EPHA6: variants seen among roughly 807,000 people sequenced by gnomAD.
EPHA6 encodes the protein EPH receptor A6, also known as ephrin type-A receptor 6.
EPHA6 carries 50 observed loss-of-function variants against 112.0 expected under a neutral mutation model. The observed-to-expected ratio is 0.45, with a 90% CI of 0.36 to 0.56. The LOEUF (loss-of-function observed/expected upper bound fraction) is 0.56. Ranked by LOEUF, EPHA6 falls within the 20% of genes least tolerant of loss-of-function variation. The probability of loss-of-function intolerance (pLI) is 0.00; values close to 1 mark genes in which losing one functional copy is unlikely to be tolerated. For missense variants in EPHA6, 1,280 were observed against 1,417.4 expected (o/e 0.90, Z 1.56); for synonymous variants, 529 against 490.7 (o/e 1.08, Z -1.03).
At chr3:96,933,358 C>T (rs1018255902) in intron 2 of EPHA6, among the ~76,000 whole-genome samples, 4 of 152,114 alleles carry the variant, frequency 2.6e-5, no homozygotes, top group Non-Finnish European at 5.9e-5. Context: ...TATTGTATTT[C>T]CAAGTTTCTA....
chr3:97,427,089 G>A (rs940295696), intron 6 of EPHA6, among the ~76,000 whole-genome samples: 3 of 152,202 alleles, frequency 2.0e-5, no homozygotes, highest in Non-Finnish European at 4.4e-5. Context: ...TGCACTGTTG[G>A]TGGGAGTATA....
intron 10 of EPHA6, among the ~76,000 whole-genome samples, chr3:97,487,712 T>G (rs1330023162): frequency 3.3e-5 from 5 of 152,224 alleles, no homozygotes; most frequent in Admixed American, 2.0e-4. Flanking sequence ...TATTTAATAC[T>G]GGCAGCTTAT....
intron 7 of EPHA6, among the ~76,000 whole-genome samples, chr3:97,453,224 C>T (rs182921182): frequency 3.8e-4 from 58 of 151,584 alleles, no homozygotes; most frequent in Admixed American, 7.9e-4. Context: ...AGCTTGTGAG[C>T]TATCAAAAGG....
intron 3 of EPHA6, among the ~76,000 whole-genome samples, chr3:97,163,821 A>G (rs2076474552): frequency 6.6e-6 from 1 of 152,196 alleles, no homozygotes. Flanking sequence ...CATGGCCCCA[A>G]TTTACAGAAT....
intron 11 of EPHA6, among the ~76,000 whole-genome samples, chr3:97,553,597 G>T (rs138153453): frequency 6.6e-6 from 1 of 151,976 alleles, no homozygotes; most frequent in Non-Finnish European, 1.5e-5. Context: ...TCATGAGAAC[G>T]CTTCACTATC....
At chr3:97,159,505 C>T (rs1402877621) in intron 3 of EPHA6, among the ~76,000 whole-genome samples, 1 of 152,134 alleles carries the variant, frequency 6.6e-6, no homozygotes, top group Non-Finnish European at 1.5e-5. Context: ...CTATTTTCAT[C>T]CCTTTATTCC....
chr3:96,828,209 A>AG (rs2033792035), intron 1 of EPHA6, among the ~76,000 whole-genome samples: 3 of 152,114 alleles, frequency 2.0e-5, no homozygotes, highest in African/African-American at 7.2e-5. Flanking sequence ...GGGTTCTACT[A>AG]AACTTTTGCC....
In EPHA6 at chr3:97,276,822, T is replaced by A. The variant is rs189070867; in HGVS notation, c.1606+32535T>A. Among the ~76,000 whole-genome samples the A allele has an allele frequency of 3.8e-3, 581 of 152,150 alleles. 2 individuals are homozygous for A. Among genetic ancestry groups the A allele is most frequent in the African/African-American group, 0.011 (474 of 41,508 alleles). On this transcript the variant is annotated intron_variant, in intron 5 of 17. Transcript: ENST00000389672. ...AAAAGAGCCTAAACACTAACTGATT[T>A]GGGAGAGGTGGGATAAGGAAAAAGG...
At chr3:97,206,886 C>A (rs1169995213) in intron 3 of EPHA6, among the ~76,000 whole-genome samples, 1 of 151,978 alleles carries the variant, frequency 6.6e-6, no homozygotes, top group Non-Finnish European at 1.5e-5. Flanking sequence ...CCAAACAGTT[C>A]TTGCAATAAC....
chr3:97,051,424 T>G (rs2108086423), intron 3 of EPHA6, among the ~76,000 whole-genome samples: 1 of 152,238 alleles, frequency 6.6e-6, no homozygotes, highest in South Asian at 2.1e-4. Context: ...GTAGAGAAGG[T>G]AAAAATATAA....
chr3:97,290,120 T>G (rs1480721750), intron 5 of EPHA6, among the ~76,000 whole-genome samples: 1 of 152,146 alleles, frequency 6.6e-6, no homozygotes, highest in Non-Finnish European at 1.5e-5. Context: ...TAACAATGTT[T>G]TTGCTGCATT....
intron 2 of EPHA6, among the ~76,000 whole-genome samples, chr3:96,983,228 G>A (rs530860131): frequency 6.6e-6 from 1 of 152,240 alleles, no homozygotes; most frequent in African/African-American, 2.4e-5. Context: ...TCCTTCAGGA[G>A]CTCTTGTAGG....
At chr3:96,994,585 T>G (rs2043332617) in intron 3 of EPHA6, among the ~76,000 whole-genome samples, 1 of 151,608 alleles carries the variant, frequency 6.6e-6, no homozygotes, top group South Asian at 2.1e-4. Flanking sequence ...CCTAATAAGC[T>G]CCTCTTAAAC....
intron 1 of EPHA6, among the ~76,000 whole-genome samples, chr3:96,847,036 G>A (rs2035112155): frequency 6.6e-6 from 1 of 151,996 alleles, no homozygotes; most frequent in African/African-American, 2.4e-5. Flanking sequence ...CTATTAGGGT[G>A]GACCCCAGCC....
chr3:97,598,481 G>A (rs1435146792), intron 12 of EPHA6, among the ~76,000 whole-genome samples: 3 of 134,486 alleles, frequency 2.2e-5, no homozygotes, highest in East Asian at 2.2e-4. Context: ...TGATCTCATT[G>A]TTCAATTCCC....
intron 5 of EPHA6, among the ~76,000 whole-genome samples, chr3:97,262,722 CT>C (rs764796368): frequency 3.9e-5 from 6 of 151,912 alleles, no homozygotes; most frequent in African/African-American, 7.3e-5. Flanking sequence ...CTCTGCCTTC[CT>C]TTTTTTTAAA....
At chr3:97,044,672 TA>T (rs2045439901) in intron 3 of EPHA6, among the ~76,000 whole-genome samples, 1 of 150,704 alleles carries the variant, frequency 6.6e-6, no homozygotes, top group Admixed American at 6.6e-5. Flanking sequence ...AAGGAGAGGA[TA>T]AAAAATAAAG....
chr3:97,425,317 T>C (rs2089021457), intron 6 of EPHA6, among the ~76,000 whole-genome samples: 1 of 152,268 alleles, frequency 6.6e-6, no homozygotes, highest in Non-Finnish European at 1.5e-5. Flanking sequence ...AGCACAGCTC[T>C]GCCTGGACAT....
intron 5 of EPHA6, among the ~76,000 whole-genome samples, chr3:97,330,918 T>C (rs1234682874): frequency 2.0e-5 from 3 of 152,086 alleles, no homozygotes; most frequent in Non-Finnish European, 4.4e-5. Flanking sequence ...TACAGAACTC[T>C]CCACCCCAAA....
Sources: gnomAD v4.1 joint callset for allele counts (sites outside exome capture counted in the v4.1 genomes callset) on GRCh38, gnomAD v4.1.1 for gene constraint, MANE v1.5 for transcripts, NCBI Gene and HGNC (gene_info 2026-07-23, HGNC 2026-07-21) for gene names.